Variants in GPC5 observed in about 807,000 individuals in gnomAD.
GPC5 encodes glypican-5.
GPC5 carries 47 observed loss-of-function variants against 53.9 expected under a neutral mutation model. The ratio of observed to expected loss-of-function variants is 0.87; its 90% CI spans 0.69 to 1.11. The LOEUF is 1.11. GPC5 is among the 50% of genes most tolerant of loss of function. The pLI, the probability that GPC5 is intolerant of heterozygous loss-of-function variation, is 0.00. For synonymous variants in GPC5, 286 were observed against 263.3 expected, an observed-to-expected ratio of 1.09 and a Z score of -0.84; for missense variants, 748 against 713.1, an observed-to-expected ratio of 1.05 and a Z score of -0.56.
At chr13:91,636,348 A>G (rs2034283783) in intron 2 of GPC5, among the ~76,000 whole-genome samples, 1 of 151,606 alleles carries the variant, frequency 6.6e-6, no homozygotes, top group South Asian at 2.1e-4. Context: ...TATTTTCATT[A>G]AAAACATATA....
intron 6 of GPC5, among the ~76,000 whole-genome samples, chr13:92,082,036 GGT>G (rs1268583869): frequency 1.3e-5 from 2 of 152,102 alleles, no homozygotes; most frequent in Non-Finnish European, 1.5e-5. Flanking sequence ...AAAGAACCTT[GGT>G]AGTAATTATA....
intron 7 of GPC5, among the ~76,000 whole-genome samples, chr13:92,678,716 A>C (rs1887024883): frequency 6.6e-6 from 1 of 152,174 alleles, no homozygotes; most frequent in African/African-American, 2.4e-5. Flanking sequence ...TACAGAAGGC[A>C]ATAGAGGCTG....
intron 5 of GPC5, among the ~76,000 whole-genome samples, chr13:91,880,548 A>G (rs569011365): frequency 2.0e-5 from 3 of 152,304 alleles, no homozygotes; most frequent in East Asian, 3.9e-4. Flanking sequence ...TAAAGTTTAA[A>G]TATTAAATTA....
At chr13:91,861,524 C>T (rs2138912539) in intron 5 of GPC5, among the ~76,000 whole-genome samples, 1 of 152,044 alleles carries the variant, frequency 6.6e-6, no homozygotes, top group South Asian at 2.1e-4. Context: ...GCTGATACAG[C>T]CACACAAGCT....
intron 7 of GPC5, among the ~76,000 whole-genome samples, chr13:92,353,281 A>AAAAAAAAAG (rs2043495760): frequency 6.6e-6 from 1 of 150,530 alleles, no homozygotes; most frequent in African/African-American, 2.4e-5. Context: ...AAAAAAAAAA[A>AAAAAAAAAG]AAAGAAATGT....
chr13:92,147,020 G>A (rs569149123), intron 7 of GPC5, among the ~76,000 whole-genome samples: 1 of 152,142 alleles, frequency 6.6e-6, no homozygotes, highest in East Asian at 1.9e-4. Flanking sequence ...GATAAATGAC[G>A]TGACGTGAAG....
intron 7 of GPC5, among the ~76,000 whole-genome samples, chr13:92,563,042 C>T (rs750715794): frequency 4.6e-5 from 7 of 151,966 alleles, no homozygotes; most frequent in Non-Finnish European, 8.8e-5. Context: ...CCAAATTCCC[C>T]CACTCCAGTT....
chr13:92,831,096 T>C (rs1222750358), intron 7 of GPC5, among the ~76,000 whole-genome samples: 1 of 152,080 alleles, frequency 6.6e-6, no homozygotes, highest in Non-Finnish European at 1.5e-5. Context: ...AGATTTTGTG[T>C]TAGCAAATAA....
At chr13:92,112,451 C>A in intron 6 of GPC5, among the ~76,000 whole-genome samples, 1 of 152,014 alleles carries the variant, frequency 6.6e-6, no homozygotes, top group East Asian at 1.9e-4. Flanking sequence ...AAAGATAATT[C>A]TTGGAGAACA....
chr13:91,709,384 C>G (rs888280903), intron 3 of GPC5, among the ~76,000 whole-genome samples: 2 of 152,190 alleles, frequency 1.3e-5, no homozygotes, highest in East Asian at 3.9e-4. Flanking sequence ...TTACCTTTGT[C>G]TGGCACCACT....
chr13:91,437,805 A>G (rs1483579244), intron 1 of GPC5, among the ~76,000 whole-genome samples: 2 of 152,182 alleles, frequency 1.3e-5, no homozygotes, highest in African/African-American at 2.4e-5. Flanking sequence ...CCAATCAGAC[A>G]TAGATTTGGT....
intron 7 of GPC5, among the ~76,000 whole-genome samples, chr13:92,149,190 T>C (rs1477152542): frequency 2.0e-5 from 3 of 152,030 alleles, no homozygotes; most frequent in East Asian, 1.9e-4. Flanking sequence ...TTCTAAATAT[T>C]TGAGGATTCC....
At chr13:92,214,584 C>T (rs541961027) in intron 7 of GPC5, among the ~76,000 whole-genome samples, 35 of 152,258 alleles carry the variant, frequency 2.3e-4, no homozygotes, top group African/African-American at 8.2e-4. Context: ...AGAATTTGTG[C>T]ACTACTGTTT....
intron 7 of GPC5, among the ~76,000 whole-genome samples, chr13:92,750,692 A>G (rs1889363282): frequency 6.6e-6 from 1 of 152,168 alleles, no homozygotes; most frequent in Non-Finnish European, 1.5e-5. Context: ...TCAGGCTCAG[A>G]ATTTAACCTG....
chr13:92,166,781 A>G (rs945075034), intron 7 of GPC5, among the ~76,000 whole-genome samples: 16 of 152,178 alleles, frequency 1.1e-4, no homozygotes, highest in Non-Finnish European at 2.9e-5. Context: ...AGTTGAGAAG[A>G]CTGAATAATG....
At chr13:91,922,024 G>A (rs2039720415) in intron 6 of GPC5, among the ~76,000 whole-genome samples, 1 of 151,982 alleles carries the variant, frequency 6.6e-6, no homozygotes, top group South Asian at 2.1e-4. Context: ...ATATGGGTGA[G>A]GAAAAGGAAA....
intron 2 of GPC5, among the ~76,000 whole-genome samples, chr13:91,673,412 CT>C (rs1261278748): frequency 2.6e-5 from 4 of 152,126 alleles, no homozygotes; most frequent in Non-Finnish European, 5.9e-5. Flanking sequence ...AACATCTATA[CT>C]AACCATCGAT....
chr13:91,672,603 G>C (rs1201123495), intron 2 of GPC5, among the ~76,000 whole-genome samples: 2 of 152,192 alleles, frequency 1.3e-5, no homozygotes, highest in Non-Finnish European at 2.9e-5. Flanking sequence ...GTGAGGCTGA[G>C]AAGAAATTGG....
At chr13:91,423,201 T>C (rs1878765488) in intron 1 of GPC5, among the ~76,000 whole-genome samples, 1 of 152,230 alleles carries the variant, frequency 6.6e-6, no homozygotes, top group African/African-American at 2.4e-5. Context: ...CATTACTGAA[T>C]CAGACTTGAA....
Sources: gnomAD v4.1 joint callset for allele counts (sites outside exome capture counted in the v4.1 genomes callset) on GRCh38, gnomAD v4.1.1 for gene constraint, MANE v1.5 for transcripts, NCBI Gene and HGNC (gene_info 2026-07-23, HGNC 2026-07-21) for gene names.